GRM7: variants seen among roughly 807,000 people sequenced by gnomAD.
The protein encoded by GRM7 is glutamate metabotropic receptor 7.
A neutral mutation model predicts 84.5 loss-of-function variants in GRM7; 35 were observed. The observed-to-expected ratio is 0.41, with a 90% CI of 0.32 to 0.55. The LOEUF (loss-of-function observed/expected upper bound fraction) is 0.55. Ranked by LOEUF, GRM7 falls within the 20% of genes least tolerant of loss-of-function variation. The pLI, the probability that GRM7 is intolerant of heterozygous loss-of-function variation, is 0.19. For synonymous variants in GRM7, 487 were observed against 455.1 expected, an observed-to-expected ratio of 1.07 and a Z score of -0.89; for missense variants, 1,003 against 1,194.6, an observed-to-expected ratio of 0.84 and a Z score of 2.36.
chr3:6,969,685 C>G (rs779529344), intron 1 of GRM7, among the ~76,000 whole-genome samples: 8 of 152,224 alleles, frequency 5.3e-5, no homozygotes, highest in Non-Finnish European at 1.2e-4. Context: ...AAATTTCCAT[C>G]ACATGATCTC....
At chr3:7,532,452 G>A (rs888093075) in intron 7 of GRM7, among the ~76,000 whole-genome samples, 156 of 152,032 alleles carry the variant, frequency 1.0e-3, no homozygotes, top group African/African-American at 3.5e-3. Context: ...TATTTCTGGG[G>A]GATCAGTGGT....
intron 8 of GRM7, among the ~76,000 whole-genome samples, chr3:7,611,634 C>G (rs181904014): frequency 6.6e-6 from 1 of 152,144 alleles, no homozygotes; most frequent in African/African-American, 2.4e-5. Context: ...TGGAGCCCAA[C>G]TAGAATAGCT....
intron 1 of GRM7, among the ~76,000 whole-genome samples, chr3:7,117,959 G>A (rs1454379746): frequency 6.6e-6 from 1 of 152,096 alleles, no homozygotes; most frequent in Non-Finnish European, 1.5e-5. Context: ...ATCAAGTTCT[G>A]GGGGTGGGGG....
intron 2 of GRM7, among the ~76,000 whole-genome samples, chr3:7,226,920 G>T (rs1042800410): frequency 5.3e-5 from 8 of 152,204 alleles, no homozygotes; most frequent in Admixed American, 5.2e-4. Context: ...GAATGGCATT[G>T]CTCTGATTTG....
chr3:7,292,460 T>C (rs1462734863), intron 2 of GRM7, among the ~76,000 whole-genome samples: 1 of 152,050 alleles, frequency 6.6e-6, no homozygotes, highest in Non-Finnish European at 1.5e-5. Context: ...CAAGTTGTGA[T>C]TTGGGGTGAG....
At chr3:7,693,657 C>A in intron 9 of GRM7, 1 of 1,530,860 alleles carries the variant, frequency 6.5e-7, no homozygotes, top group Non-Finnish European at 8.8e-7. Flanking sequence ...TGCTACTGAC[C>A]ATCTGCACTG....
intron 6 of GRM7, among the ~76,000 whole-genome samples, chr3:7,455,312 A>G (rs1399580327): frequency 6.6e-6 from 1 of 152,182 alleles, no homozygotes; most frequent in Admixed American, 6.5e-5. Context: ...GGATGCTAAA[A>G]GTATTGGGTT....
In GRM7 at chr3:7,666,975, G is replaced by A. The variant is rs73810879; in HGVS notation, c.2452-13074G>A. Among the ~76,000 whole-genome samples, 389 of 152,170 alleles carry A rather than the reference G, an allele frequency of 2.6e-3. 2 individuals are homozygous for A. The highest frequency in any genetic ancestry group is 8.5e-3 in the African/African-American group (354 of 41,520). ...GTTGCACAGCGAATGCCCTATTTTT[G>A]ACATTGAGATGCCTGTTTGATTGTC... On this transcript the variant is annotated intron_variant, in intron 8 of 9. Coordinates refer to ENST00000357716, the MANE Select transcript of GRM7 (RefSeq NM_000844.4).
intron 2 of GRM7, among the ~76,000 whole-genome samples, chr3:7,241,480 A>T (rs1168972044): frequency 6.6e-6 from 1 of 152,194 alleles, no homozygotes; most frequent in Admixed American, 6.5e-5. Context: ...ATATAAAATA[A>T]TTAAGACCAT....
chr3:7,110,246 A>G (rs957931270), intron 1 of GRM7, among the ~76,000 whole-genome samples: 32 of 152,026 alleles, frequency 2.1e-4, no homozygotes, highest in African/African-American at 7.5e-4. Flanking sequence ...GTCCAACCCA[A>G]TCACATTATA....
At chr3:6,995,622 A>T (rs1694800539) in intron 1 of GRM7, among the ~76,000 whole-genome samples, 1 of 152,228 alleles carries the variant, frequency 6.6e-6, no homozygotes, top group East Asian at 1.9e-4. Flanking sequence ...TTGGAGCTTT[A>T]TTTAATCTAA....
intron 4 of GRM7, among the ~76,000 whole-genome samples, chr3:7,369,826 T>C (rs762901184): frequency 1.3e-5 from 2 of 152,200 alleles, no homozygotes; most frequent in South Asian, 2.1e-4. Context: ...CCAGAATCCA[T>C]GTGGATCACT....
At position 7,419,264 on chromosome 3, in the gene GRM7, G is replaced by A. The variant is rs778904373; in HGVS notation, c.1174+4101G>A. On this transcript the variant is annotated intron_variant, in intron 5 of 9. Transcript: ENST00000357716. The stretch of plus-strand genomic sequence containing the variant: ...TTATGCTATGAGTGAAACATGAAGC[G>A]CAAGGCTTAAGAAATTTCGGTGCTT... Among the ~76,000 whole-genome samples the A allele has an allele frequency of 1.4e-4, 21 of 152,224 alleles. 1 individual carries two copies. The highest frequency in any genetic ancestry group is 4.1e-4 in the South Asian group (2 of 4,824).
intron 1 of GRM7, among the ~76,000 whole-genome samples, chr3:7,065,538 C>G (rs1258763088): frequency 6.6e-6 from 1 of 151,848 alleles, no homozygotes; most frequent in Non-Finnish European, 1.5e-5. Flanking sequence ...TATTCTCTTC[C>G]ATTGGTCTAT....
intron 7 of GRM7, among the ~76,000 whole-genome samples, chr3:7,463,087 G>C (rs887220850): frequency 3.3e-5 from 5 of 149,612 alleles, no homozygotes; most frequent in African/African-American, 1.2e-4. Context: ...GTGCTGCCAT[G>C]TGATATGAAG....
chr3:7,559,550 T>A (rs1693920256), intron 7 of GRM7, among the ~76,000 whole-genome samples: 1 of 152,082 alleles, frequency 6.6e-6, no homozygotes, highest in Admixed American at 6.6e-5. Context: ...AATCTTGGTA[T>A]GGATGTGTTT....
chr3:7,574,671 C>A (rs967721317), intron 7 of GRM7, among the ~76,000 whole-genome samples: 1 of 152,192 alleles, frequency 6.6e-6, no homozygotes, highest in Non-Finnish European at 1.5e-5. Flanking sequence ...TTGCAAACAG[C>A]AAGAAGAGCT....
intron 4 of GRM7, among the ~76,000 whole-genome samples, chr3:7,356,740 C>A (rs1358005839): frequency 6.6e-6 from 1 of 152,074 alleles, no homozygotes; most frequent in Non-Finnish European, 1.5e-5. Context: ...TTTGTACCAG[C>A]AGCTTTTTGA....
intron 1 of GRM7, among the ~76,000 whole-genome samples, chr3:6,935,627 T>C (rs1697662217): frequency 6.6e-6 from 1 of 151,248 alleles, no homozygotes; most frequent in South Asian, 2.1e-4. Flanking sequence ...CAGATGGCAC[T>C]GGAGAGACAT....
Sources: gnomAD v4.1 joint callset for allele counts (sites outside exome capture counted in the v4.1 genomes callset) on GRCh38, gnomAD v4.1.1 for gene constraint, MANE v1.5 for transcripts, NCBI Gene and HGNC (gene_info 2026-07-23, HGNC 2026-07-21) for gene names.